The following SYN3 variants were observed in gnomAD, a reference collection of about 807,000 sequenced individuals.
SYN3 encodes the protein synapsin-3.
SYN3 carries 35 observed loss-of-function variants against 65.8 expected under a neutral mutation model. That is an observed-to-expected ratio of 0.53 (90% CI 0.41 to 0.70). The LOEUF is 0.70. Among genes scored for constraint, SYN3 ranks in the 30% least tolerant of loss-of-function variants. SYN3 has a pLI of 0.00. For synonymous variants in SYN3, 270 were observed against 292.9 expected (o/e 0.92, Z 0.80); for missense variants, 680 against 749.0 (o/e 0.91, Z 1.08).
chr22:32,523,202 T>C (rs1030613182), intron 12 of SYN3, among the ~76,000 whole-genome samples: 3 of 152,216 alleles, frequency 2.0e-5, no homozygotes, highest in South Asian at 2.1e-4. Flanking sequence ...TTGGGTGCCA[T>C]GAACCACACC....
rs188534135 is a variant in SYN3 at position 32,765,487 on chromosome 22, G to A, written c.711+99428C>T. Among the ~76,000 whole-genome samples, 14 of 152,282 alleles carry A rather than the reference G, an allele frequency of 9.2e-5. No homozygotes were observed. In the East Asian group the frequency reaches 2.7e-3, roughly 29 times the overall value. Reference sequence around the variant, plus strand: ...TGGCTGAGGATTCCTGATAGGACAAGGTTTAATTGAAAAACAGGAAAGTGG... The same window carrying A: ...TGGCTGAGGATTCCTGATAGGACAAAGTTTAATTGAAAAACAGGAAAGTGG... On this transcript the variant is annotated intron_variant, in intron 6 of 13. Transcript: ENST00000358763.
Position 32,518,097 on chromosome 22 carries a change from G to A in SYN3, c.1556C>T (p.Thr519Ile). Residue 519 changes from threonine (T) to isoleucine (I), a missense_variant, in exon 13 of 14, where the codon ACC (threonine) becomes ATC (isoleucine). By Grantham distance (89) the Thr-to-Ile change is moderately conservative. Transcript: ENST00000358763. ...CTTGGACTCTTCACCCTGCTGGGAG[G>A]TACTACGGCCCTGCACAGGGGGCCG... ...QPRPPVQGRS[T>I]SQQGEESKKP... The A allele has an allele frequency of 6.4e-7, 1 of 1,566,462 alleles. No homozygotes were observed. The highest frequency in any genetic ancestry group is 1.4e-5 in the African/African-American group (1 of 73,448).
rs577704274 is a variant in SYN3, at chr22:32,958,291, C to T, written c.369+22354G>A. ...GAGCAAGGGAAGTGCAAACAGGATA[C>T]AAGCAAAACAGGATAAGTGTGTCCG... On this transcript the variant is annotated intron_variant, in intron 3 of 13. Coordinates refer to ENST00000358763, the MANE Select transcript of SYN3 (RefSeq NM_003490.4). Among the ~76,000 whole-genome samples, 186 of 152,310 alleles carry T rather than the reference C, an allele frequency of 1.2e-3. 1 individual carries two copies. The highest frequency in any genetic ancestry group is 2.0e-3 in the Non-Finnish European group (135 of 68,026).
chr22:32,754,380 G>A (rs1265335238), intron 6 of SYN3, among the ~76,000 whole-genome samples: 1 of 152,124 alleles, frequency 6.6e-6, no homozygotes, highest in Non-Finnish European at 1.5e-5. Context: ...TCAAACTCCT[G>A]ACCTCAGGTG....
Position 32,986,837 on chromosome 22 carries a change from G to T in SYN3, c.312-6135C>A, listed in dbSNP as rs112027043. ...CTGGGGGAGCTCTGGATTCCACGAA[G>T]ATTCTCTCTCCGTGGGTGGTCTCAT... is the stretch of plus-strand genomic sequence containing the variant. On this transcript the variant is annotated intron_variant, in intron 2 of 13. Coordinates refer to ENST00000358763, the MANE Select transcript of SYN3 (RefSeq NM_003490.4). Among the ~76,000 whole-genome samples the T allele has an allele frequency of 5.0e-3, 768 of 152,190 alleles. 4 individuals carry two copies. The highest frequency in any genetic ancestry group is 8.5e-3 in the Non-Finnish European group (576 of 68,018).
At position 32,944,799 on chromosome 22, in the gene SYN3, C is replaced by T. The variant is rs567979379; in HGVS notation, c.370-13318G>A. On this transcript the variant is annotated intron_variant, in intron 3 of 13. Coordinates refer to ENST00000358763, the MANE Select transcript of SYN3 (RefSeq NM_003490.4). ...TGATTGTATATTTAGAAAACCCCAT[C>T]GTCTCAGCCCAAAATCTCCTTAAGC... Among the ~76,000 whole-genome samples, 44 of 152,300 alleles carry T rather than the reference C, an allele frequency of 2.9e-4. 1 individual carries two copies. In the South Asian group the frequency reaches 7.5e-3, roughly 26 times the overall value.
intron 4 of SYN3, chr22:32,931,027 T>C (rs1281692724): frequency 5.6e-6 from 1 of 178,812 alleles, no homozygotes; most frequent in East Asian, 1.4e-4. Flanking sequence ...GGTGCTGTCA[T>C]ACATGTGAGT....
At chr22:32,646,891 G>A (rs2059991481) in intron 6 of SYN3, among the ~76,000 whole-genome samples, 1 of 152,208 alleles carries the variant, frequency 6.6e-6, no homozygotes, top group South Asian at 2.1e-4. Flanking sequence ...GTGGAGACCT[G>A]TTTGGCTTGT....
intron 12 of SYN3, among the ~76,000 whole-genome samples, chr22:32,523,188 G>GT (rs1183557733): frequency 2.0e-5 from 3 of 152,156 alleles, no homozygotes; most frequent in Non-Finnish European, 4.4e-5. Context: ...ATTAATAATT[G>GT]TTTTTGGGTG....
intron 4 of SYN3, among the ~76,000 whole-genome samples, chr22:32,872,397 C>A (rs970854539): frequency 2.0e-5 from 3 of 152,136 alleles, no homozygotes; most frequent in Non-Finnish European, 1.5e-5. Flanking sequence ...GACATAGTAG[C>A]CAGGAGACAG....
At chr22:32,644,649 C>T (rs536225632) in intron 6 of SYN3, among the ~76,000 whole-genome samples, 2 of 152,312 alleles carry the variant, frequency 1.3e-5, no homozygotes, top group East Asian at 1.9e-4. Flanking sequence ...TCCCTTTCCA[C>T]CACCACTGGA....
intron 3 of SYN3, among the ~76,000 whole-genome samples, chr22:32,957,440 C>T (rs543377149): frequency 2.4e-4 from 37 of 152,250 alleles, no homozygotes; most frequent in African/African-American, 8.9e-4. Context: ...TGAAAGCTAC[C>T]GAACAGCCTA....
chr22:32,749,675 C>T (rs2045052440), intron 6 of SYN3, among the ~76,000 whole-genome samples: 1 of 152,104 alleles, frequency 6.6e-6, no homozygotes, highest in African/African-American at 2.4e-5. Context: ...TCAACATATA[C>T]ATTTTGTAGG....
Position 32,541,032 on chromosome 22 carries a change from T to C in SYN3, c.917+539A>G, listed in dbSNP as rs563785039. 7.2e-5 allele frequency among the ~76,000 whole-genome samples: 11 copies of C among 152,356 alleles called. No homozygotes were observed. The South Asian group carries it at 2.1e-3, about 29-fold the overall frequency. ...CTTTTTTAAAGTTTCTGATAACCCA[T>C]GGTTTTCTAGTAAATTCCCTTTAAA... is the stretch of plus-strand genomic sequence containing the variant. On this transcript the variant is annotated intron_variant, in intron 8 of 13. Transcript: ENST00000358763.
At chr22:32,926,652 T>C (rs926083135) in intron 4 of SYN3, among the ~76,000 whole-genome samples, 2 of 152,228 alleles carry the variant, frequency 1.3e-5, no homozygotes, top group Non-Finnish European at 2.9e-5. Context: ...GCTTATATTT[T>C]AGATGAATGT....
At chr22:33,038,650 T>G (rs2053904654) in intron 1 of SYN3, among the ~76,000 whole-genome samples, 1 of 152,196 alleles carries the variant, frequency 6.6e-6, no homozygotes, top group Non-Finnish European at 1.5e-5. Context: ...CCCAGTGTGC[T>G]GCTGCACCCT....
intron 6 of SYN3, among the ~76,000 whole-genome samples, chr22:32,851,564 G>A (rs906988994): frequency 1.3e-5 from 2 of 152,202 alleles, no homozygotes; most frequent in East Asian, 1.9e-4. Context: ...ACCATCCTTC[G>A]CCTGAGCTCA....
intron 7 of SYN3, among the ~76,000 whole-genome samples, chr22:32,587,512 G>C (rs1216657553): frequency 6.6e-6 from 1 of 152,084 alleles, no homozygotes; most frequent in Non-Finnish European, 1.5e-5. Context: ...TCCCAGTTGC[G>C]GGGAACCTTT....
chr22:32,582,776 G>C (rs1249542678), intron 7 of SYN3, among the ~76,000 whole-genome samples: 1 of 151,908 alleles, frequency 6.6e-6, no homozygotes, highest in African/African-American at 2.4e-5. Flanking sequence ...AAGAGCTCAG[G>C]ACCGTCTGAC....
Sources: allele counts gnomAD v4.1 joint callset (sites outside exome capture counted in the v4.1 genomes callset), GRCh38; gene constraint gnomAD v4.1.1; transcripts MANE v1.5; gene names NCBI Gene and HGNC (gene_info 2026-07-23, HGNC 2026-07-21).